BCAR1: variants seen among roughly 807,000 people sequenced by gnomAD.
BCAR1 encodes breast cancer anti-estrogen resistance protein 1.
In BCAR1, 30 loss-of-function variants were observed where a neutral mutation model predicts 67.6. That is an observed-to-expected ratio of 0.44 (90% CI 0.33 to 0.60). The LOEUF (loss-of-function observed/expected upper bound fraction) is 0.60. BCAR1 is among the 20% of genes least tolerant of loss of function. The pLI, the probability that BCAR1 is intolerant of heterozygous loss-of-function variation, is 0.02. For synonymous variants in BCAR1, 626 were observed against 556.7 expected (o/e 1.12, Z -1.75); for missense variants, 1,313 against 1,222.3 (o/e 1.07, Z -1.11).
chr16:75,240,616 A>ATC (rs1271388493), intron 2 of BCAR1, among the ~76,000 whole-genome samples: 1 of 152,244 alleles, frequency 6.6e-6, no homozygotes, highest in Non-Finnish European at 1.5e-5. Context: ...GGAAAATTTC[A>ATC]TCTCCAGACT....
In BCAR1 at chr16:75,235,413, G is replaced by C. The variant is rs780145839; in HGVS notation, c.1486C>G (p.Pro496Ala). The part of the protein sequence containing the change: ...ATGSWRSPSE[P>A]QEPLVQDLQA... ...AGGTCCTGCACCAGCGGCTCCTGTG[G>C]CTCAGAGGGGCTACGCCAGCTCCCA... The change falls in exon 5 of 7, where the codon CCA (proline) becomes GCA (alanine). Residue 496 changes from proline to alanine, a missense_variant. Physicochemically the swap from Pro to Ala is conservative, Grantham distance 27 (BLOSUM62 -1). Transcript: ENST00000162330. 1 of 1,607,842 alleles carries C rather than the reference G, an allele frequency of 6.2e-7. No individual in the cohort carries two copies. The highest frequency in any genetic ancestry group is 1.3e-5 in the African/African-American group (1 of 74,910).
At chr16:75,257,371 A>G (rs907998446) in intron 1 of BCAR1, among the ~76,000 whole-genome samples, 1 of 152,182 alleles carries the variant, frequency 6.6e-6, no homozygotes, top group Admixed American at 6.5e-5. Flanking sequence ...TGGAATCACA[A>G]GAGGGGACCC....
chr16:75,265,727 C>A, intron 1 of BCAR1: 1 of 1,179,788 alleles, frequency 8.5e-7, no homozygotes, highest in East Asian at 3.6e-5. Context: ...GACCCCCAGT[C>A]CGGGAGCCAA....
intron 1 of BCAR1, chr16:75,266,204 A>G: frequency 5.0e-6 from 1 of 199,320 alleles, no homozygotes; most frequent in Non-Finnish European, 9.1e-6. Flanking sequence ...CCCCAACACT[A>G]CACTGCCCTG....
chr16:75,235,342 C>T lies in BCAR1; in HGVS notation c.1557G>A (p.Leu519=), dbSNP rs61763001. ...TGCCCACCGCGCTGCGGGCAAACTC[C>T]AACAGCTCGTGGACGGCACTCTGGA... ...AAVQSAVHEL[L]EFARSAVGNA... is the part of the protein sequence containing the mutation. The change falls in exon 5 of 7, where the codon TTG becomes TTA. Residue 519 remains leucine, a synonymous_variant. Transcript: ENST00000162330. The T allele has an allele frequency of 4.1e-4, 664 of 1,601,976 alleles. 1 individual carries two copies. The highest frequency in any genetic ancestry group is 5.5e-4 in the Non-Finnish European group (640 of 1,172,688).
rs768435141 is a variant in BCAR1 at position 75,242,654 on chromosome 16, T to C, written c.449A>G (p.Lys150Arg). The C allele has an allele frequency of 1.8e-5, 28 of 1,524,190 alleles. No individual in the cohort carries two copies. The highest frequency in any genetic ancestry group is 2.8e-5 in the African/African-American group (2 of 71,842). The allele number at this position is 1,524,190 out of a possible 1,614,324, so 94.4% of individuals were successfully genotyped here. A position where few individuals can be genotyped will look rare whatever the true frequency, so the allele number is the denominator to read the frequency against. Residue 150 changes from lysine (K) to arginine (R), a missense_variant, in exon 2 of 7, where the codon AAG (lysine) becomes AGG (arginine). Around this residue, in one of 2 missense-constraint regions of BCAR1, gnomAD observed 1,272 missense variants for 1,137.5 expected, o/e 1.12. Transcript: ENST00000162330. ...PPAKQTSTFS[K>R]QTPHHPFPSP... ...GGGAAACGGGTGATGGGGTGTCTGC[T>C]TCGAGAAGGTGGATGTCTGCTTGGC...
chr16:75,260,371 G>A, intron 1 of BCAR1, among the ~76,000 whole-genome samples: 1 of 152,238 alleles, frequency 6.6e-6, no homozygotes, highest in South Asian at 2.1e-4. Context: ...AGGCGCGGTG[G>A]CTCATGCCTG....
chr16:75,233,469 T>C (rs1047846105), intron 6 of BCAR1, among the ~76,000 whole-genome samples: 3 of 152,072 alleles, frequency 2.0e-5, no homozygotes, highest in African/African-American at 7.2e-5. Context: ...CTTAACGCCA[T>C]GGCAGATGCT....
At chr16:75,251,017 G>C (rs2077664527) in intron 1 of BCAR1, 5 of 981,924 alleles carry the variant, frequency 5.1e-6, no homozygotes, top group African/African-American at 1.7e-5. Context: ...CCCGGCCTCG[G>C]TCCCCCGGAG....
At chr16:75,267,918 G>A (rs1055864597) in exon 1 of BCAR1, 2 of 1,602,042 alleles carry the variant, frequency 1.2e-6, no homozygotes, top group Non-Finnish European at 1.7e-6. Flanking sequence ...CACTTACTCT[G>A]AGGCAGGGAT....
intron 1 of BCAR1, chr16:75,263,784 G>C: frequency 3.0e-6 from 3 of 987,286 alleles, no homozygotes; most frequent in Non-Finnish European, 3.6e-6. Context: ...CGCCACTCTG[G>C]GTTCCAAGGG....
rs1235368250 is a variant in BCAR1 at position 75,229,287 on chromosome 16, G to C, written c.*224C>G. The C allele has an allele frequency of 1.5e-6, 1 of 679,214 alleles. No individual in the cohort carries two copies. Among genetic ancestry groups the C allele is most frequent in the African/African-American group, 1.8e-5 (1 of 54,984 alleles). 42.1% of individuals were successfully genotyped at this position (679,214 alleles called of 1,614,324 possible). A position where few individuals can be genotyped will look rare whatever the true frequency, so the allele number is the denominator to read the frequency against. On this transcript the variant is annotated 3_prime_UTR_variant, in exon 7 of 7. Transcript: ENST00000162330. ...CAACCCGGGCCCGTGGTGCATGCTG[G>C]GGAAGGCCACTGGCCGGCCCCTGGG... is the stretch of plus-strand genomic sequence containing the variant.
intron 1 of BCAR1, chr16:75,265,881 G>A: frequency 8.7e-7 from 1 of 1,149,976 alleles, no homozygotes; most frequent in East Asian, 4.3e-5. Flanking sequence ...GCGCCAGCGG[G>A]CTGGGGGCTC....
At position 75,229,960 on chromosome 16, in the gene BCAR1, A is replaced by C; in HGVS notation, c.2164T>G (p.Trp722Gly). ...SRPIDHDLAN[W>G]TPAQPLAPGR... The stretch of plus-strand genomic sequence containing the variant: ...GGGGCCAGGGGTTGGGCTGGCGTCC[A>C]GTTGGCCAGGTCGTGGTCTATGGGC... Residue 722 changes from tryptophan (W) to glycine (G), a missense_variant, in exon 7 of 7, where the codon TGG (tryptophan) becomes GGG (glycine). Physicochemically the swap from Trp to Gly is radical, Grantham distance 184 (BLOSUM62 -2). Around this residue, in one of 2 missense-constraint regions of BCAR1, gnomAD observed 1,272 missense variants for 1,137.5 expected, o/e 1.12. Coordinates refer to ENST00000162330, the MANE Select transcript of BCAR1 (RefSeq NM_014567.5). 6.3e-7 allele frequency: 1 copy of C among 1,595,406 alleles called. No individual in the cohort carries two copies. Among genetic ancestry groups the C allele is most frequent in the Non-Finnish European group, 8.6e-7 (1 of 1,168,378 alleles).
At chr16:75,255,002 T>C (rs1465533001), upstream of BCAR1, among the ~76,000 whole-genome samples, 1 of 152,186 alleles carries the variant, frequency 6.6e-6, no homozygotes, top group Non-Finnish European at 1.5e-5. Flanking sequence ...TGCTCACCAA[T>C]GTCCACTGCA....
In BCAR1 at chr16:75,235,761, G is replaced by A. The variant is rs756939926; in HGVS notation, c.1138C>T (p.Arg380Trp). ...DLYDVPPGLRRPGPGTLYDVP... is the reference protein window; with the variant it reads ...DLYDVPPGLRWPGPGTLYDVP... ...TCGTACAGGGTGCCCGGGCCAGGCC[G>A]CCGCAAGCCAGGGGGCACGTCGTAG... Residue 380 changes from arginine to tryptophan, a missense_variant, in exon 5 of 7, where the codon CGG becomes TGG. Transcript: ENST00000162330. 2.4e-5 allele frequency: 39 copies of A among 1,592,382 alleles called. No homozygotes were observed. Among genetic ancestry groups the A allele is most frequent in the African/African-American group, 6.7e-5 (5 of 74,598 alleles).
At chr16:75,237,977 G>A (rs1567599724) in intron 2 of BCAR1, 9 of 1,228,486 alleles carry the variant, frequency 7.3e-6, no homozygotes, top group East Asian at 5.7e-5. Flanking sequence ...TCCCTGCCGC[G>A]CCTGCCCCGG....
rs763285022 is a variant in BCAR1, at chr16:75,237,135, C to A, written c.795+48G>T. 12 of 1,496,704 alleles carry A rather than the reference C, an allele frequency of 8.0e-6. No homozygotes were observed. In the South Asian group the frequency reaches 8.2e-5, roughly 10 times the overall value. 92.7% of individuals were successfully genotyped at this position (1,496,704 alleles called of 1,614,324 possible). ...CTCTCGGCCCAGGGCCAAGCAGAGG[C>A]ACAGACTTGCCGCCCTGCCCTCCCA... On this transcript the variant is annotated intron_variant, in intron 3 of 6. Coordinates refer to ENST00000162330, the MANE Select transcript of BCAR1 (RefSeq NM_014567.5).
In BCAR1 at chr16:75,235,615, C is replaced by T. The variant is rs376007201; in HGVS notation, c.1284G>A (p.Ser428=). 24 of 1,599,182 alleles carry T rather than the reference C, an allele frequency of 1.5e-5. No individual in the cohort carries two copies. Among genetic ancestry groups the T allele is most frequent in the African/African-American group, 6.7e-5 (5 of 74,790 alleles). Residue 428 remains serine (S), a synonymous_variant, in exon 5 of 7, where the codon TCG becomes TCA. Transcript: ENST00000162330. ...REAPAEGKRL[S]ASSTGSTRSS... is the part of the protein sequence containing the mutation. The stretch of plus-strand genomic sequence containing the variant: ...TGCGTGTGCTGCCGGTGCTGGAGGC[C>T]GACAGGCGCTTGCCCTCTGCCGGGG...
Sources: allele counts gnomAD v4.1 joint callset (sites outside exome capture counted in the v4.1 genomes callset), GRCh38; gene constraint gnomAD v4.1.1; regional missense constraint gnomAD v4.1.1; transcripts MANE v1.5; gene names NCBI Gene and HGNC (gene_info 2026-07-23, HGNC 2026-07-21).